Variants in PREX2 observed in about 807,000 individuals in gnomAD.
The protein encoded by PREX2 is phosphatidylinositol 3,4,5-trisphosphate-dependent Rac exchanger 2 protein.
Under a neutral mutation model 203.2 loss-of-function variants are expected in PREX2, and 107 were observed. The ratio of observed to expected loss-of-function variants is 0.53; its 90% CI spans 0.45 to 0.62. The LOEUF (loss-of-function observed/expected upper bound fraction) is 0.62. PREX2 is among the 20% of genes least tolerant of loss of function. The pLI, the probability that PREX2 is intolerant of heterozygous loss-of-function variation, is 0.00. For synonymous variants in PREX2, 672 were observed against 663.6 expected (o/e 1.01, Z -0.19); for missense variants, 1,777 against 1,955.9 (o/e 0.91, Z 1.72).
intron 10 of PREX2, among the ~76,000 whole-genome samples, chr8:68,057,979 C>T (rs1297476680): frequency 6.6e-6 from 1 of 152,214 alleles, no homozygotes; most frequent in Non-Finnish European, 1.5e-5. Context: ...CTATATGAAG[C>T]TTCTCCCAGA....
chr8:68,122,430 A>C (rs1416441940), intron 30 of PREX2, among the ~76,000 whole-genome samples: 2 of 152,096 alleles, frequency 1.3e-5, no homozygotes, highest in Non-Finnish European at 2.9e-5. Flanking sequence ...AAAATTCCCC[A>C]AAATATGAAT....
At chr8:68,190,638 A>G (rs1471906805) in intron 35 of PREX2, among the ~76,000 whole-genome samples, 2 of 152,044 alleles carry the variant, frequency 1.3e-5, no homozygotes, top group African/African-American at 4.8e-5. Context: ...AAACTTACCT[A>G]TTGGGTACAA....
intron 25 of PREX2, among the ~76,000 whole-genome samples, chr8:68,114,744 AT>A (rs1364999599): frequency 2.0e-5 from 3 of 152,048 alleles, no homozygotes; most frequent in African/African-American, 7.2e-5. Context: ...CCATCCTCAC[AT>A]TGTATGTAAC....
intron 4 of PREX2, among the ~76,000 whole-genome samples, chr8:68,024,479 T>C (rs1033720478): frequency 2.6e-5 from 4 of 152,014 alleles, no homozygotes; most frequent in African/African-American, 9.7e-5. Flanking sequence ...AATAATATTA[T>C]AGCTATGATA....
chr8:68,068,165 G>T (rs140744859), intron 11 of PREX2, among the ~76,000 whole-genome samples: 1 of 152,058 alleles, frequency 6.6e-6, no homozygotes, highest in African/African-American at 2.4e-5. Context: ...ATATTGGTCT[G>T]TAATTTTCTT....
At chr8:67,998,448 T>C (rs748470663) in intron 1 of PREX2, among the ~76,000 whole-genome samples, 1 of 152,234 alleles carries the variant, frequency 6.6e-6, no homozygotes, top group Non-Finnish European at 1.5e-5. Context: ...TAGGACTCTT[T>C]GGAATTCTAA....
intron 10 of PREX2, among the ~76,000 whole-genome samples, chr8:68,059,167 GT>G (rs1387946335): frequency 6.6e-6 from 1 of 152,142 alleles, no homozygotes; most frequent in Non-Finnish European, 1.5e-5. Context: ...AAGAAAACTA[GT>G]CTACAACAAA....
At chr8:68,098,934 A>ATGTG (rs200753954) in intron 22 of PREX2, among the ~76,000 whole-genome samples, 9 of 106,152 alleles carry the variant, frequency 8.5e-5, no homozygotes, top group Non-Finnish European at 1.5e-4. Flanking sequence ...CTACATATAT[A>ATGTG]TGTGTATATA....
At position 67,997,882 on chromosome 8, in the gene PREX2, T is replaced by C. The variant is rs996440381; in HGVS notation, c.142-19964T>C. Among the ~76,000 whole-genome samples, 3 of 152,338 alleles carry C rather than the reference T, an allele frequency of 2.0e-5. No homozygotes were observed. The East Asian group carries it at 5.8e-4, about 29-fold the overall frequency. On this transcript the variant is annotated intron_variant, in intron 1 of 39. Transcript: ENST00000288368. ...TAAAAATATTGAGCTCTTCAATCCA[T>C]GAACGTGGTAGCTCTCCATTTAGAT...
At chr8:68,211,237 C>T (rs887851164) in intron 37 of PREX2, among the ~76,000 whole-genome samples, 5 of 152,154 alleles carry the variant, frequency 3.3e-5, no homozygotes, top group East Asian at 1.9e-4. Context: ...GTCAGGTGGA[C>T]TCTACTTTAA....
At chr8:67,977,042 T>A (rs975849846) in intron 1 of PREX2, among the ~76,000 whole-genome samples, 1 of 152,224 alleles carries the variant, frequency 6.6e-6, no homozygotes, top group East Asian at 1.9e-4. Flanking sequence ...ATATAATGGA[T>A]TGAATGTTTG....
chr8:68,095,035 G>A (rs1483512423), intron 21 of PREX2: 1 of 152,236 alleles, frequency 6.6e-6, no homozygotes, highest in Admixed American at 6.5e-5. Flanking sequence ...GCCTGATGAA[G>A]AGATAAATAG....
chr8:68,069,892 T>C lies in PREX2; in HGVS notation c.1493+8T>C. On this transcript the variant is annotated splice_region_variant and intron_variant, in intron 13 of 39. Transcript: ENST00000288368. ...TTTTACTCCAGTGATAAGGTGAGTC[T>C]GGTTTTTAAGTTCTGGGAAACTTAA... 4 of 1,505,866 alleles carry C rather than the reference T, an allele frequency of 2.7e-6. No individual in the cohort carries two copies. The highest frequency in any genetic ancestry group is 3.7e-6 in the Non-Finnish European group (4 of 1,095,332). The allele number at this position is 1,505,866 out of a possible 1,614,324, so 93.3% of individuals were successfully genotyped here.
intron 4 of PREX2, 22 bp downstream of exon 4, chr8:68,022,162 A>G (rs1807587810): frequency 8.7e-7 from 1 of 1,154,528 alleles, no homozygotes; most frequent in Non-Finnish European, 1.3e-6. Flanking sequence ...TTTATGTGTT[A>G]CTGTATGTTG....
At chr8:68,095,206 G>A (rs985561928) in intron 21 of PREX2, 3 of 151,982 alleles carry the variant, frequency 2.0e-5, no homozygotes, top group Non-Finnish European at 4.4e-5. Flanking sequence ...TTCCTTAGAC[G>A]TGATTCATTA....
At chr8:67,987,912 A>AGTATGTGTGTGT (rs139568645) in intron 1 of PREX2, among the ~76,000 whole-genome samples, 5,673 of 150,848 alleles carry the variant, frequency 0.038, 111 homozygotes, top group Non-Finnish European at 0.05. Context: ...GCAGCCAGGG[A>AGTATGTGTGTGT]GTGTGTGTGT....
chr8:67,997,012 G>A (rs1806786196), intron 1 of PREX2, among the ~76,000 whole-genome samples: 1 of 152,100 alleles, frequency 6.6e-6, no homozygotes, highest in African/African-American at 2.4e-5. Context: ...AAACTATTGA[G>A]TTGTTTCATC....
intron 1 of PREX2, among the ~76,000 whole-genome samples, chr8:67,970,120 C>A (rs1455310451): frequency 6.6e-6 from 1 of 152,108 alleles, no homozygotes; most frequent in Non-Finnish European, 1.5e-5. Context: ...TTTGGGAAGT[C>A]AAAGTGTGAA....
chr8:68,096,911 A>G, intron 21 of PREX2, 106 bp from the exon 22 acceptor site: 1 of 857,266 alleles, frequency 1.2e-6, no homozygotes, highest in Non-Finnish European at 1.9e-6. Context: ...AGATTTAACC[A>G]TCCCTTAAAG....
Sources: gnomAD v4.1 joint callset for allele counts (sites outside exome capture counted in the v4.1 genomes callset) on GRCh38, gnomAD v4.1.1 for gene constraint, MANE v1.5 for transcripts, NCBI Gene and HGNC (gene_info 2026-07-23, HGNC 2026-07-21) for gene names.